Variants in KIAA0513 observed in about 807,000 individuals in gnomAD.
KIAA0513 encodes uncharacterized protein KIAA0513.
Under a neutral mutation model 56.5 loss-of-function variants are expected in KIAA0513, and 39 were observed. That is an observed-to-expected ratio of 0.69 (90% CI 0.53 to 0.90). The LOEUF is 0.90. Ranked by LOEUF, KIAA0513 falls within the 40% of genes least tolerant of loss-of-function variation. The probability of loss-of-function intolerance (pLI) is 0.00; values close to 1 mark genes in which losing one functional copy is unlikely to be tolerated. For missense variants in KIAA0513, 591 were observed against 535.2 expected (o/e 1.10, Z -1.03); for synonymous variants, 268 against 215.6 (o/e 1.24, Z -2.13).
chr16:85,038,369 C>G (rs2073062193), intron 1 of KIAA0513, among the ~76,000 whole-genome samples: 2 of 152,200 alleles, frequency 1.3e-5, no homozygotes, highest in Admixed American at 1.3e-4. Context: ...GATTTTAAAT[C>G]TAGCAGCCAC....
intron 1 of KIAA0513, among the ~76,000 whole-genome samples, chr16:85,057,356 C>G (rs2073344028): frequency 6.6e-6 from 1 of 152,196 alleles, no homozygotes; most frequent in African/African-American, 2.4e-5. Flanking sequence ...CTTCCTTAAA[C>G]TGTTTCTCCC....
chr16:85,070,903 C>A (rs771040177), intron 2 of KIAA0513, among the ~76,000 whole-genome samples: 1 of 152,182 alleles, frequency 6.6e-6, no homozygotes, highest in African/African-American at 2.4e-5. Context: ...AATGTGGACA[C>A]CTGAGTCAGA....
Position 85,089,991 on chromosome 16 carries a change from G to C in KIAA0513, c.*1666G>C, listed in dbSNP as rs1567550940. ...ACTGCATGGTGCATGAGTGATCTCA[G>C]CCTAGCGATGCCGCTGGCCAGACCG... On this transcript the variant is annotated 3_prime_UTR_variant, in exon 13 of 13. Coordinates refer to ENST00000683363, the MANE Select transcript of KIAA0513 (RefSeq NM_001388359.1). The surrounding 1 kb of genome is among the most constrained non-coding windows in gnomAD (Gnocchi z 4.2). The C allele has an allele frequency of 6.6e-6, 1 of 152,210 alleles. No homozygotes were observed. The highest frequency in any genetic ancestry group is 1.5e-5 in the Non-Finnish European group (1 of 68,078). The allele number at this position is 152,210 out of a possible 1,614,324, so 9.4% of individuals were successfully genotyped here. A position where few individuals can be genotyped will look rare whatever the true frequency, so the allele number is the denominator to read the frequency against.
At position 85,073,813 on chromosome 16, in the gene KIAA0513, G is replaced by C. The variant is rs552064108; in HGVS notation, c.503+815G>C. Among the ~76,000 whole-genome samples the C allele has an allele frequency of 5.9e-5, 9 of 152,130 alleles. No homozygotes were observed. In the East Asian group the frequency reaches 1.7e-3, roughly 29 times the overall value. Reference sequence around the variant, plus strand: ...AAGCAGTCCCTGCTTTGGGCCCCACGTCCCCTCCTGGTCCTTGGCTCATCC... The same window carrying C: ...AAGCAGTCCCTGCTTTGGGCCCCACCTCCCCTCCTGGTCCTTGGCTCATCC... On this transcript the variant is annotated intron_variant, in intron 4 of 12. Transcript: ENST00000683363.
At chr16:85,084,012 C>T (rs2073778383) in intron 10 of KIAA0513, among the ~76,000 whole-genome samples, 2 of 151,674 alleles carry the variant, frequency 1.3e-5, no homozygotes, top group Admixed American at 6.6e-5. Context: ...CAGCTCGCTG[C>T]CCAGTGTCAG....
chr16:85,069,332 C>G (rs552134643), intron 2 of KIAA0513, among the ~76,000 whole-genome samples: 1 of 152,016 alleles, frequency 6.6e-6, no homozygotes, highest in Non-Finnish European at 1.5e-5. Context: ...TGCCACGACT[C>G]CCCGAAGTGC....
intron 1 of KIAA0513, among the ~76,000 whole-genome samples, chr16:85,053,243 A>G (rs2073279793): frequency 6.6e-6 from 1 of 152,190 alleles, no homozygotes; most frequent in Non-Finnish European, 1.5e-5. Context: ...TGGAAGGCAG[A>G]CACCATGTTG....
In KIAA0513 at chr16:85,073,094, A is replaced by C. The variant is rs1436552370; in HGVS notation, c.503+96A>C. On this transcript the variant is annotated intron_variant, in intron 4 of 12. Coordinates refer to ENST00000683363, the MANE Select transcript of KIAA0513 (RefSeq NM_001388359.1). ...CAGCCGTGTCATAACCCAGCTGTGA[A>C]CCATATCCACACTAGTCATCAGGTT... 5.0e-6 allele frequency: 5 copies of C among 1,005,066 alleles called. No individual in the cohort carries two copies. In the African/African-American group the frequency reaches 7.9e-5, roughly 16 times the overall value. The allele number at this position is 1,005,066 out of a possible 1,614,324, so 62.3% of individuals were successfully genotyped here.
rs558659291 is a variant in KIAA0513 at position 85,040,088 on chromosome 16, C to T, written c.-173+12230C>T. Among the ~76,000 whole-genome samples the T allele has an allele frequency of 2.7e-3, 407 of 152,330 alleles. 2 individuals are homozygous for T. Among genetic ancestry groups the T allele is most frequent in the African/African-American group, 9.5e-3 (396 of 41,582 alleles). ...ACCTCAGGTGATCCGCCCGCCTCAG[C>T]CTCCCAAAGTGCTGGGATTACAGGC... On this transcript the variant is annotated intron_variant, in intron 1 of 12. Transcript: ENST00000683363.
rs980508633 is a variant in KIAA0513 at position 85,088,486 on chromosome 16, C to T, written c.*161C>T. The T allele has an allele frequency of 9.6e-6, 6 of 622,360 alleles. No individual in the cohort carries two copies. In the South Asian group the frequency reaches 1.1e-4, roughly 12 times the overall value. The allele number at this position is 622,360 out of a possible 1,614,324, so 38.6% of individuals were successfully genotyped here. A position where few individuals can be genotyped will look rare whatever the true frequency, so the allele number is the denominator to read the frequency against. On this transcript the variant is annotated 3_prime_UTR_variant, in exon 13 of 13. Coordinates refer to ENST00000683363, the MANE Select transcript of KIAA0513 (RefSeq NM_001388359.1). ...GCGGTTAGAAGAATCCGCTGTTCCT[C>T]CCTCATCTCCTCTGCCTGTGTCTGC...
intron 1 of KIAA0513, among the ~76,000 whole-genome samples, chr16:85,060,445 C>T (rs2073387856): frequency 6.6e-6 from 1 of 152,188 alleles, no homozygotes; most frequent in Non-Finnish European, 1.5e-5. Context: ...GCACAGTGCA[C>T]CTGCCCTTCC....
Position 85,073,429 on chromosome 16 carries a change from A to G in KIAA0513, c.503+431A>G, listed in dbSNP as rs116240344. On this transcript the variant is annotated intron_variant, in intron 4 of 12. Transcript: ENST00000683363. Reference sequence around the variant, plus strand: ...GTAGCTTTCCCTGCGAACACTGATTAGGCACTGCTGGGGCCTTTTATCACA... The same window carrying G: ...GTAGCTTTCCCTGCGAACACTGATTGGGCACTGCTGGGGCCTTTTATCACA... Among the ~76,000 whole-genome samples the G allele has an allele frequency of 9.5e-3, 1,448 of 152,334 alleles. 24 individuals are homozygous for G. Among genetic ancestry groups the G allele is most frequent in the African/African-American group, 0.033 (1,387 of 41,568 alleles).
At chr16:85,057,064 T>G (rs371719062) in intron 1 of KIAA0513, among the ~76,000 whole-genome samples, 1 of 152,178 alleles carries the variant, frequency 6.6e-6, no homozygotes, top group Admixed American at 6.5e-5. Flanking sequence ...AGTCTGTCAG[T>G]TGTTCTTGTT....
intron 1 of KIAA0513, among the ~76,000 whole-genome samples, chr16:85,030,402 C>G (rs550309945): frequency 6.6e-6 from 1 of 152,064 alleles, no homozygotes; most frequent in Non-Finnish European, 1.5e-5. Context: ...TATTCGAAAC[C>G]GTTTTTTATA....
chr16:85,044,590 T>A (rs2073146862), intron 1 of KIAA0513, among the ~76,000 whole-genome samples: 2 of 151,112 alleles, frequency 1.3e-5, no homozygotes, highest in African/African-American at 4.9e-5. Flanking sequence ...CACAGCAACC[T>A]CTGCCTCCCA....
At chr16:85,053,079 G>A (rs2073277413) in intron 1 of KIAA0513, among the ~76,000 whole-genome samples, 1 of 152,014 alleles carries the variant, frequency 6.6e-6, no homozygotes, top group Admixed American at 6.6e-5. Flanking sequence ...AATAGAAACA[G>A]GGTTTCACCA....
chr16:85,033,771 G>C (rs72803559), intron 1 of KIAA0513, among the ~76,000 whole-genome samples: 9,452 of 152,212 alleles, frequency 0.062, 308 homozygotes, highest in East Asian at 0.077. Context: ...CTGTCACCCA[G>C]ATACTCAATA....
chr16:85,032,786 A>C (rs774681174), intron 1 of KIAA0513, among the ~76,000 whole-genome samples: 5 of 151,336 alleles, frequency 3.3e-5, no homozygotes, highest in Non-Finnish European at 5.9e-5. Flanking sequence ...GCCTGCCACC[A>C]CTCCCGGCTA....
At chr16:85,084,904 T>TAGG (rs2073791392) in intron 10 of KIAA0513, among the ~76,000 whole-genome samples, 1 of 152,250 alleles carries the variant, frequency 6.6e-6, no homozygotes, top group Admixed American at 6.5e-5. Flanking sequence ...GGGCATTACC[T>TAGG]GATCTGCTAC....
Sources: gnomAD v4.1 joint callset for allele counts (sites outside exome capture counted in the v4.1 genomes callset) on GRCh38, gnomAD v4.1.1 for gene constraint, Gnocchi (gnomAD v3.1) non-coding constraint, MANE v1.5 for transcripts, NCBI Gene and HGNC (gene_info 2026-07-23, HGNC 2026-07-21) for gene names.